TMEM161B: variants seen among roughly 807,000 people sequenced by gnomAD.
TMEM161B encodes transmembrane protein 161B.
Under a neutral mutation model 61.8 loss-of-function variants are expected in TMEM161B, and 34 were observed. The ratio of observed to expected loss-of-function variants is 0.55; its 90% CI spans 0.42 to 0.73. The LOEUF (loss-of-function observed/expected upper bound fraction) is 0.73, where lower values mean the gene tolerates loss of function less well. Ranked by LOEUF, TMEM161B falls within the 30% of genes least tolerant of loss-of-function variation. The probability of loss-of-function intolerance (pLI) is 0.00; values close to 1 mark genes in which losing one functional copy is unlikely to be tolerated. For missense variants in TMEM161B, 456 were observed against 558.5 expected (o/e 0.82, Z 1.85); for synonymous variants, 167 against 192.8 (o/e 0.87, Z 1.11).
At chr5:88,215,466 A>G (rs1462348063) in intron 5 of TMEM161B, among the ~76,000 whole-genome samples, 1 of 149,782 alleles carries the variant, frequency 6.7e-6, no homozygotes. Context: ...TAAAGGTGGT[A>G]GGTAACTTTA....
In TMEM161B at chr5:88,254,890, A is replaced by G. The variant is rs1210558816; in HGVS notation, c.3+13831T>C. On this transcript the variant is annotated intron_variant, in intron 1 of 11. Transcript: ENST00000296595. ...AAAAAAAAAGATTGATCATCATGGG[A>G]CATTATACAGGTTACAAGAATAGGA... 2.0e-5 allele frequency among the ~76,000 whole-genome samples: 3 copies of G among 151,952 alleles called. No homozygotes were observed. In the South Asian group the frequency reaches 6.2e-4, roughly 32 times the overall value.
intron 5 of TMEM161B, among the ~76,000 whole-genome samples, chr5:88,215,229 T>C (rs1240645747): frequency 2.0e-5 from 3 of 152,212 alleles, no homozygotes; most frequent in Non-Finnish European, 4.4e-5. Flanking sequence ...GCAAAGCTAT[T>C]GTCCTGTGTA....
rs1749497315 is a variant in TMEM161B, at chr5:88,195,584, T to C, written c.*627A>G. 1 of 985,358 alleles carries C rather than the reference T, an allele frequency of 1.0e-6. No individual in the cohort carries two copies. The highest frequency in any genetic ancestry group is 6.2e-5 in the Admixed American group (1 of 16,204). The allele number at this position is 985,358 out of a possible 1,614,324, so 61.0% of individuals were successfully genotyped here. A position where few individuals can be genotyped will look rare whatever the true frequency, so the allele number is the denominator to read the frequency against. On this transcript the variant is annotated 3_prime_UTR_variant, in exon 12 of 12. Transcript: ENST00000296595. ...AAGAACTCTCAAGTTGGGTGGAATA[T>C]GTTTTAAAACAATACTCTTGCTATT...
At chr5:88,226,706 A>G (rs1362319757) in intron 3 of TMEM161B, among the ~76,000 whole-genome samples, 1 of 152,226 alleles carries the variant, frequency 6.6e-6, no homozygotes, top group Non-Finnish European at 1.5e-5. Context: ...AAACCAAACA[A>G]TAATTCTTGT....
At chr5:88,250,152 T>C (rs1754140875) in intron 1 of TMEM161B, among the ~76,000 whole-genome samples, 1 of 151,850 alleles carries the variant, frequency 6.6e-6, no homozygotes, top group Non-Finnish European at 1.5e-5. Flanking sequence ...ATTTTTACCA[T>C]TCACTCTGCC....
At chr5:88,264,264 G>C (rs1756061498) in intron 1 of TMEM161B, among the ~76,000 whole-genome samples, 1 of 151,936 alleles carries the variant, frequency 6.6e-6, no homozygotes, top group African/African-American at 2.4e-5. Context: ...CCATCAAAAA[G>C]TAGGCGAAGG....
intron 8 of TMEM161B, among the ~76,000 whole-genome samples, chr5:88,203,788 T>TG (rs1744902348): frequency 3.9e-5 from 3 of 76,448 alleles, no homozygotes; most frequent in African/African-American, 1.9e-4. Flanking sequence ...TATATATATA[T>TG]ATATATATAT....
chr5:88,213,928 T>C (rs1000484787), intron 5 of TMEM161B, among the ~76,000 whole-genome samples: 1 of 152,204 alleles, frequency 6.6e-6, no homozygotes, highest in East Asian at 1.9e-4. Flanking sequence ...CTTCAGGGTA[T>C]AATGTTTTGC....
chr5:88,216,282 A>C (rs1201468462), intron 5 of TMEM161B, among the ~76,000 whole-genome samples: 1 of 152,198 alleles, frequency 6.6e-6, no homozygotes, highest in East Asian at 1.9e-4. Flanking sequence ...TTTGGAGAAC[A>C]TGATAACTCA....
chr5:88,252,315 G>C (rs1007581548), intron 1 of TMEM161B, among the ~76,000 whole-genome samples: 1 of 152,122 alleles, frequency 6.6e-6, no homozygotes, highest in Non-Finnish European at 1.5e-5. Context: ...TTAGCTCCTT[G>C]AGTCTTTAAA....
intron 1 of TMEM161B, among the ~76,000 whole-genome samples, chr5:88,262,331 T>C (rs757905629): frequency 2.6e-5 from 4 of 152,142 alleles, no homozygotes; most frequent in Non-Finnish European, 5.9e-5. Context: ...CAAAATGATA[T>C]AGCTTCTTTG....
At chr5:88,215,425 T>A (rs148202617) in intron 5 of TMEM161B, among the ~76,000 whole-genome samples, 1 of 152,320 alleles carries the variant, frequency 6.6e-6, no homozygotes, top group African/African-American at 2.4e-5. Flanking sequence ...ACTGGATATC[T>A]GGAATTTAAT....
chr5:88,218,390 A>G (rs1164633222), intron 5 of TMEM161B, among the ~76,000 whole-genome samples: 1 of 152,186 alleles, frequency 6.6e-6, no homozygotes, highest in Non-Finnish European at 1.5e-5. Flanking sequence ...AGGGGATGAA[A>G]ACAGACCCTA....
downstream of TMEM161B, among the ~76,000 whole-genome samples, chr5:88,191,287 C>CT (rs1423020724): frequency 6.6e-6 from 1 of 152,214 alleles, no homozygotes; most frequent in Non-Finnish European, 1.5e-5. Context: ...CTAGACCCTC[C>CT]TTCCCCCAAC....
chr5:88,192,069 CAA>C (rs5869419), downstream of TMEM161B, among the ~76,000 whole-genome samples: 64 of 90,634 alleles, frequency 7.1e-4, no homozygotes, highest in African/African-American at 8.3e-4. Context: ...TTTAAAGATG[CAA>C]AAAAAAAAAA....
intron 2 of TMEM161B, among the ~76,000 whole-genome samples, chr5:88,233,496 G>A: frequency 6.6e-6 from 1 of 152,116 alleles, no homozygotes; most frequent in East Asian, 1.9e-4. Context: ...GAGGTAAGAA[G>A]GGAACAGATC....
chr5:88,237,250 C>T (rs1439286273), intron 2 of TMEM161B, among the ~76,000 whole-genome samples: 1 of 152,114 alleles, frequency 6.6e-6, no homozygotes, highest in African/African-American at 2.4e-5. Context: ...CAGAACTAGT[C>T]ACAAGGCCCC....
At chr5:88,215,634 G>T (rs1196344674) in intron 5 of TMEM161B, among the ~76,000 whole-genome samples, 1 of 152,170 alleles carries the variant, frequency 6.6e-6, no homozygotes, top group African/African-American at 2.4e-5. Context: ...CTGGGATAGG[G>T]AGACAGCCAG....
At chr5:88,268,352 T>G (rs560783880) in intron 1 of TMEM161B, among the ~76,000 whole-genome samples, 3 of 152,308 alleles carry the variant, frequency 2.0e-5, no homozygotes, top group African/African-American at 7.2e-5. Context: ...CTGAAGTTCT[T>G]GGCCACTGTT....
Sources: allele counts gnomAD v4.1 joint callset (sites outside exome capture counted in the v4.1 genomes callset), GRCh38; gene constraint gnomAD v4.1.1; transcripts MANE v1.5; gene names NCBI Gene and HGNC (gene_info 2026-07-23, HGNC 2026-07-21).